Variants in GALNT17 observed in about 807,000 individuals in gnomAD.
GALNT17 encodes UDP-GalNAc:polypeptide N-acetylgalactosaminyltransferase-like 3.
GALNT17 carries 29 observed loss-of-function variants against 63.7 expected under a neutral mutation model. The ratio of observed to expected loss-of-function variants is 0.46; its 90% CI spans 0.34 to 0.62. The LOEUF is 0.62. GALNT17 is among the 20% of genes least tolerant of loss of function. The probability of loss-of-function intolerance (pLI) is 0.01; values close to 1 mark genes in which losing one functional copy is unlikely to be tolerated. For synonymous variants in GALNT17, 305 were observed against 318.3 expected (o/e 0.96, Z 0.45); for missense variants, 603 against 799.6 (o/e 0.75, Z 2.97).
intron 5 of GALNT17, among the ~76,000 whole-genome samples, chr7:71,558,993 A>C (rs1489605700): frequency 1.3e-5 from 2 of 152,200 alleles, no homozygotes; most frequent in South Asian, 2.1e-4. Context: ...ATTCCTTGAC[A>C]GTTCCCTTTC....
chr7:71,134,836 T>C (rs1412068378), intron 1 of GALNT17, among the ~76,000 whole-genome samples: 2 of 10,178 alleles, frequency 2.0e-4, no homozygotes, highest in East Asian at 3.2e-3. Flanking sequence ...TGTTTTATGG[T>C]TTTTTTTTTT....
rs553341137 is a variant in GALNT17, at chr7:71,308,806, C to T, written c.239-26744C>T. The stretch of plus-strand genomic sequence containing the variant: ...TTGCCCAGGCTGGAGTGCAGTGGCA[C>T]GATCTCAGCTCACTGCAACCTCTGC... On this transcript the variant is annotated intron_variant, in intron 1 of 10. Transcript: ENST00000333538. Among the ~76,000 whole-genome samples, 188 of 150,854 alleles carry T rather than the reference C, an allele frequency of 1.2e-3. 1 individual carries two copies. Among genetic ancestry groups the T allele is most frequent in the South Asian group, 5.2e-3 (25 of 4,768 alleles).
intron 1 of GALNT17, 137 bp from the exon 2 acceptor site, chr7:71,335,413 G>A (rs1365690743): frequency 4.6e-6 from 4 of 865,982 alleles, no homozygotes; most frequent in African/African-American, 3.5e-5. Context: ...GCCTATACCT[G>A]AGTTGGATAA....
intron 5 of GALNT17, among the ~76,000 whole-genome samples, chr7:71,453,421 G>A (rs1316991110): frequency 6.6e-6 from 1 of 152,166 alleles, no homozygotes. Flanking sequence ...AAGGGGAAAG[G>A]CACGTCTAAC....
At chr7:71,148,858 T>A (rs11760301) in intron 1 of GALNT17, among the ~76,000 whole-genome samples, 2,035 of 91,604 alleles carry the variant, frequency 0.022, 21 homozygotes, top group Middle Eastern at 0.042. Flanking sequence ...ATTATGGTAT[T>A]TTTATATATA....
intron 6 of GALNT17, among the ~76,000 whole-genome samples, chr7:71,615,389 A>G (rs1220756985): frequency 1.3e-5 from 2 of 151,160 alleles, no homozygotes; most frequent in East Asian, 1.9e-4. Context: ...CATGGGCCCC[A>G]GATGTGGCTT....
intron 2 of GALNT17, among the ~76,000 whole-genome samples, chr7:71,378,044 A>G (rs564475326): frequency 2.6e-5 from 4 of 152,214 alleles, no homozygotes; most frequent in Non-Finnish European, 5.9e-5. Context: ...CTGGGGCTCC[A>G]TAGACCACAA....
intron 8 of GALNT17, among the ~76,000 whole-genome samples, chr7:71,671,699 A>T (rs1487403244): frequency 6.6e-6 from 1 of 152,200 alleles, no homozygotes; most frequent in African/African-American, 2.4e-5. Flanking sequence ...CTGGGAGGAT[A>T]AAATGAGCTG....
At chr7:71,138,825 A>G (rs1230540177) in intron 1 of GALNT17, among the ~76,000 whole-genome samples, 2 of 152,142 alleles carry the variant, frequency 1.3e-5, no homozygotes, top group African/African-American at 4.8e-5. Flanking sequence ...AAATACAAAA[A>G]GTAGCAGGGC....
At chr7:71,622,392 C>T (rs1233870655) in intron 6 of GALNT17, among the ~76,000 whole-genome samples, 2 of 152,174 alleles carry the variant, frequency 1.3e-5, no homozygotes, top group African/African-American at 4.8e-5. Flanking sequence ...AAGACTTACT[C>T]GATGAAAGCA....
chr7:71,570,313 G>A (rs979301522), intron 5 of GALNT17, among the ~76,000 whole-genome samples: 15 of 152,034 alleles, frequency 9.9e-5, no homozygotes, highest in Admixed American at 9.8e-4. Flanking sequence ...CATTTATGAT[G>A]GATACCTTTA....
intron 1 of GALNT17, among the ~76,000 whole-genome samples, chr7:71,142,187 G>A (rs1299579271): frequency 6.6e-6 from 1 of 152,114 alleles, no homozygotes; most frequent in East Asian, 1.9e-4. Flanking sequence ...GATATTTCTT[G>A]AATGGATGCA....
intron 1 of GALNT17, among the ~76,000 whole-genome samples, chr7:71,209,422 A>G (rs1585883247): frequency 6.6e-6 from 1 of 152,190 alleles, no homozygotes; most frequent in Non-Finnish European, 1.5e-5. Context: ...ACAAGGGGGA[A>G]CTGGGGCTTC....
intron 1 of GALNT17, among the ~76,000 whole-genome samples, chr7:71,308,774 A>G (rs1882572): frequency 6.7e-6 from 1 of 149,660 alleles, no homozygotes; most frequent in Non-Finnish European, 1.5e-5. Flanking sequence ...AACAGAGTCA[A>G]GCTCTGTTGC....
intron 1 of GALNT17, among the ~76,000 whole-genome samples, chr7:71,283,109 G>A (rs76034119): frequency 0.013 from 1,894 of 151,314 alleles, 22 homozygotes; most frequent in Middle Eastern, 0.037. Context: ...ATAGCTCGTG[G>A]TAACCTCAAA....
At chr7:71,618,373 C>A (rs768752325) in intron 6 of GALNT17, among the ~76,000 whole-genome samples, 1 of 152,166 alleles carries the variant, frequency 6.6e-6, no homozygotes, top group Non-Finnish European at 1.5e-5. Flanking sequence ...GTTTTAAGTT[C>A]TTTGAGAAAT....
intron 1 of GALNT17, among the ~76,000 whole-genome samples, chr7:71,273,108 A>G (rs1294233943): frequency 6.6e-6 from 1 of 151,930 alleles, no homozygotes; most frequent in Admixed American, 6.6e-5. Context: ...TAACAATTTT[A>G]TATGCATATA....
intron 1 of GALNT17, among the ~76,000 whole-genome samples, chr7:71,173,027 C>T (rs936267350): frequency 3.9e-5 from 6 of 152,160 alleles, no homozygotes; most frequent in African/African-American, 1.2e-4. Context: ...ATATTTATTG[C>T]TATCCTGATT....
chr7:71,440,665 C>T lies in GALNT17; in HGVS notation c.962+19560C>T, dbSNP rs576786944. The stretch of plus-strand genomic sequence containing the variant: ...CTGGGATTACAGGTGTGAGCCACCG[C>T]GCCTGGCCAGTTCAGAACTGTTTTC... On this transcript the variant is annotated intron_variant, in intron 5 of 10. Transcript: ENST00000333538. Among the ~76,000 whole-genome samples the T allele has an allele frequency of 3.9e-5, 6 of 152,298 alleles. No individual in the cohort carries two copies. The East Asian group carries it at 9.7e-4, about 25-fold the overall frequency.
Sources: allele counts gnomAD v4.1 joint callset (sites outside exome capture counted in the v4.1 genomes callset), GRCh38; gene constraint gnomAD v4.1.1; transcripts MANE v1.5; gene names NCBI Gene and HGNC (gene_info 2026-07-23, HGNC 2026-07-21).